Variants in ZFAT observed in about 807,000 individuals in gnomAD.
ZFAT encodes zinc finger protein ZFAT.
ZFAT carries 64 observed loss-of-function variants against 117.7 expected under a neutral mutation model. That is an observed-to-expected ratio of 0.54 (90% CI 0.44 to 0.67). ZFAT has a LOEUF of 0.67. ZFAT is among the 30% of genes least tolerant of loss of function. The pLI, the probability that ZFAT is intolerant of heterozygous loss-of-function variation, is 0.00. For synonymous variants in ZFAT, 679 were observed against 615.0 expected (o/e 1.10, Z -1.54); for missense variants, 1,433 against 1,584.5 (o/e 0.90, Z 1.62).
At chr8:134,480,810 ACTCT>A (rs1421892238) in intron 15 of ZFAT, among the ~76,000 whole-genome samples, 1 of 151,698 alleles carries the variant, frequency 6.6e-6, no homozygotes, top group Admixed American at 6.6e-5. Flanking sequence ...CTGACTCTGC[ACTCT>A]CTCTGGGGAC....
chr8:134,755,415 A>C, the ZFAT span, among the ~76,000 whole-genome samples: 1 of 151,068 alleles, frequency 6.6e-6, no homozygotes. Context: ...GTCTCAAAAA[A>C]AAAAAAAAAA....
At chr8:134,490,742 C>T (rs1817992931) in intron 15 of ZFAT, among the ~76,000 whole-genome samples, 1 of 152,188 alleles carries the variant, frequency 6.6e-6, no homozygotes, top group African/African-American at 2.4e-5. Flanking sequence ...GAGAGTCTGC[C>T]CTTTACCCCT....
chr8:134,818,459 GC>G, the ZFAT span, among the ~76,000 whole-genome samples: 1 of 152,156 alleles, frequency 6.6e-6, no homozygotes, highest in African/African-American at 2.4e-5. Context: ...AAGACTGACT[GC>G]ACCAAATGAT....
chr8:134,693,239 A>T (rs1208569645), intron 1 of ZFAT, among the ~76,000 whole-genome samples: 1 of 152,182 alleles, frequency 6.6e-6, no homozygotes, highest in Non-Finnish European at 1.5e-5. Context: ...TGGAACAGGG[A>T]AAGCAGAAAA....
At chr8:134,801,957 C>G in the ZFAT span, among the ~76,000 whole-genome samples, 1,278 of 152,272 alleles carry the variant, frequency 8.4e-3, 17 homozygotes, top group African/African-American at 0.028. Context: ...TTATGTTCCA[C>G]CCCAGACCTA....
intron 11 of ZFAT, among the ~76,000 whole-genome samples, chr8:134,538,796 CAAAAAAAA>C (rs35209102): frequency 9.5e-6 from 1 of 105,100 alleles, no homozygotes; most frequent in East Asian, 3.4e-4. Flanking sequence ...GACCCTGTCA[CAAAAAAAA>C]AAAAAAAAAA....
intron 2 of ZFAT, among the ~76,000 whole-genome samples, chr8:134,638,434 G>A (rs959742610): frequency 7.9e-5 from 12 of 151,990 alleles, no homozygotes; most frequent in South Asian, 2.1e-4. Flanking sequence ...GGCCAGGCGC[G>A]GTGGCTCACG....
At chr8:134,643,205 C>A (rs539123771) in intron 2 of ZFAT, among the ~76,000 whole-genome samples, 57 of 152,362 alleles carry the variant, frequency 3.7e-4, no homozygotes, top group Middle Eastern at 6.8e-3. Context: ...AACTTATTTG[C>A]TCCAAGGTCA....
chr8:134,480,230 G>T (rs529877668), intron 15 of ZFAT, among the ~76,000 whole-genome samples: 26 of 152,124 alleles, frequency 1.7e-4, no homozygotes, highest in Non-Finnish European at 2.8e-4. Context: ...CCAAAGTGCC[G>T]GGATTACAGG....
the ZFAT span, among the ~76,000 whole-genome samples, chr8:134,757,688 G>A: frequency 0.39 from 58,650 of 151,962 alleles, 11,372 homozygotes; most frequent in Admixed American, 0.46. Context: ...ATGATTTGAT[G>A]GAAAGAGATA....
At chr8:134,756,117 A>G in the ZFAT span, among the ~76,000 whole-genome samples, 130 of 152,294 alleles carry the variant, frequency 8.5e-4, 2 homozygotes, top group South Asian at 0.024. Context: ...AAGCACAGAG[A>G]TAAGCAGCTT....
chr8:134,516,439 C>A (rs185090371), intron 13 of ZFAT, among the ~76,000 whole-genome samples: 1 of 152,206 alleles, frequency 6.6e-6, no homozygotes, highest in East Asian at 1.9e-4. Flanking sequence ...TCTAATTTTT[C>A]ATGTGTTAGT....
chr8:134,675,427 C>G (rs1832749422), intron 1 of ZFAT, among the ~76,000 whole-genome samples: 2 of 152,102 alleles, frequency 1.3e-5, no homozygotes, highest in South Asian at 4.1e-4. Context: ...AAGAAGCAAA[C>G]AAAGCCTCCA....
At chr8:134,500,486 C>A (rs1329744425) in intron 15 of ZFAT, among the ~76,000 whole-genome samples, 2 of 152,166 alleles carry the variant, frequency 1.3e-5, no homozygotes, top group Middle Eastern at 3.2e-3. Flanking sequence ...TGTTTTCAGA[C>A]CATTTCTCAT....
intron 1 of ZFAT, among the ~76,000 whole-genome samples, chr8:134,697,587 C>A (rs1051619035): frequency 8.0e-5 from 12 of 150,798 alleles, no homozygotes; most frequent in African/African-American, 2.7e-4. Flanking sequence ...ATTAGCCGGG[C>A]GTGGTAGCGG....
intron 1 of ZFAT, among the ~76,000 whole-genome samples, chr8:134,677,212 A>C (rs975050610): frequency 6.6e-6 from 1 of 152,200 alleles, no homozygotes; most frequent in Non-Finnish European, 1.5e-5. Flanking sequence ...CTAATAAAGA[A>C]GAAAAGAGAG....
At chr8:134,759,793 T>C in the ZFAT span, among the ~76,000 whole-genome samples, 9 of 151,636 alleles carry the variant, frequency 5.9e-5, no homozygotes, top group African/African-American at 2.2e-4. Flanking sequence ...CTGGCCAACA[T>C]GGTGAAACTT....
At chr8:134,633,758 A>T (rs1018630945) in intron 3 of ZFAT, among the ~76,000 whole-genome samples, 4 of 152,214 alleles carry the variant, frequency 2.6e-5, no homozygotes, top group Non-Finnish European at 5.9e-5. Context: ...AATAGTGCAT[A>T]CCTTGGCCAG....
chr8:134,692,118 TA>T lies in ZFAT; in HGVS notation c.19+20726del, dbSNP rs1260493474. On this transcript the variant is annotated intron_variant, in intron 1 of 15. Coordinates refer to ENST00000377838, the MANE Select transcript of ZFAT (RefSeq NM_020863.4). ...TCCCAAAGTGCTGAGATTACAGACG[TA>T]AGCCACCGTGCCCGGCCTGAACTAA... 3.3e-5 allele frequency among the ~76,000 whole-genome samples: 5 copies of T among 152,282 alleles called. No homozygotes were observed. In the East Asian group the frequency reaches 9.6e-4, roughly 29 times the overall value.
Sources: allele counts gnomAD v4.1 joint callset (sites outside exome capture counted in the v4.1 genomes callset), GRCh38; gene constraint gnomAD v4.1.1; transcripts MANE v1.5; gene names NCBI Gene and HGNC (gene_info 2026-07-23, HGNC 2026-07-21).